CLIP1: variants seen among roughly 807,000 people sequenced by gnomAD.
CLIP1 encodes CAP-Gly domain containing linker protein 1, also known as CAP-Gly domain-containing linker protein 1.
Under a neutral mutation model 161.6 loss-of-function variants are expected in CLIP1, and 66 were observed. The ratio of observed to expected loss-of-function variants is 0.41; its 90% CI spans 0.33 to 0.50. The LOEUF is 0.50. CLIP1 is among the 20% of genes least tolerant of loss of function. CLIP1 has a pLI of 0.27. For missense variants in CLIP1, 1,376 were observed against 1,702.0 expected (o/e 0.81, Z 3.37); for synonymous variants, 598 against 626.2 (o/e 0.96, Z 0.67).
chr12:122,393,912 C>CA lies in CLIP1; in HGVS notation c.-106-13355dup, dbSNP rs71082981. On this transcript the variant is annotated intron_variant, in intron 1 of 25. Transcript: ENST00000620786. ...GGGTGACAGAGTGAGATTCTGTCTC[C>CA]AAAAAAAAAAAAAAAAAAGATTCTA... is the stretch of plus-strand genomic sequence containing the variant. 4.9e-4 allele frequency among the ~76,000 whole-genome samples: 31 copies of CA among 63,192 alleles called. 2 individuals are homozygous for CA. Among genetic ancestry groups the CA allele is most frequent in the East Asian group, 1.0e-3 (2 of 1,928 alleles). 41.5% of individuals were successfully genotyped at this position (63,192 alleles called of 152,430 possible). A position where few individuals can be genotyped will look rare whatever the true frequency, so the allele number is the denominator to read the frequency against.
At chr12:122,415,843 C>G (rs756890195) in intron 1 of CLIP1, among the ~76,000 whole-genome samples, 6 of 151,858 alleles carry the variant, frequency 4.0e-5, no homozygotes. Context: ...AGATTTTGAA[C>G]TATAAAACTT....
At chr12:122,410,643 G>C (rs969461784) in intron 1 of CLIP1, among the ~76,000 whole-genome samples, 1 of 151,938 alleles carries the variant, frequency 6.6e-6, no homozygotes, top group Non-Finnish European at 1.5e-5. Flanking sequence ...ATTTTTAGTA[G>C]AGACAGGGTT....
intron 1 of CLIP1, chr12:122,399,568 G>A (rs959945894): frequency 6.6e-6 from 1 of 152,076 alleles, no homozygotes; most frequent in Non-Finnish European, 1.5e-5. Flanking sequence ...AAATGAAAAT[G>A]CCACTTTATT....
At chr12:122,395,026 T>C (rs1955856641) in intron 1 of CLIP1, among the ~76,000 whole-genome samples, 1 of 152,208 alleles carries the variant, frequency 6.6e-6, no homozygotes, top group Non-Finnish European at 1.5e-5. Context: ...TCGATTGTGA[T>C]GCATCTGAAT....
At chr12:122,330,597 G>GTTTTTTT (rs71082966) in intron 15 of CLIP1, among the ~76,000 whole-genome samples, 11 of 101,380 alleles carry the variant, frequency 1.1e-4, no homozygotes, top group African/African-American at 3.1e-4. Flanking sequence ...GTATAATGCA[G>GTTTTTTT]TTTTTTTTTT....
intron 20 of CLIP1, among the ~76,000 whole-genome samples, chr12:122,302,469 G>A (rs1593017436): frequency 6.6e-6 from 1 of 152,148 alleles, no homozygotes; most frequent in East Asian, 1.9e-4. Flanking sequence ...CTATTATTTT[G>A]GACCAATTTT....
At chr12:122,324,539 C>T (rs951080154) in intron 17 of CLIP1, among the ~76,000 whole-genome samples, 3 of 152,132 alleles carry the variant, frequency 2.0e-5, no homozygotes, top group Non-Finnish European at 2.9e-5. Flanking sequence ...AGAAACTAAA[C>T]AGAGCCCATA....
chr12:122,360,748 G>A, intron 5 of CLIP1: 2 of 510,712 alleles, frequency 3.9e-6, no homozygotes, highest in South Asian at 3.1e-5. Flanking sequence ...ATCTGAAAGG[G>A]ACTATTAAAA....
At position 122,340,903 on chromosome 12, in the gene CLIP1, C is replaced by T. The variant is rs1161072107; in HGVS notation, c.2301G>A (p.Lys767=). 1 of 1,614,050 alleles carries T rather than the reference C, an allele frequency of 6.2e-7. No homozygotes were observed. The highest frequency in any genetic ancestry group is 1.3e-5 in the African/African-American group (1 of 74,920). Residue 767 remains lysine, a synonymous_variant, in exon 11 of 26, where the codon AAG becomes AAA. Coordinates refer to ENST00000620786, the MANE Select transcript of CLIP1 (RefSeq NM_001247997.2). ...KVIDNFTSQL[K]ATEEKLLDLD... is the part of the protein sequence containing the mutation. ...GATCCAAGAGCTTTTCTTCAGTAGC[C>T]TTGAGCTGTGATGTAAAATTATCAA...
chr12:122,313,895 G>A (rs952280261), intron 19 of CLIP1, among the ~76,000 whole-genome samples: 7 of 151,894 alleles, frequency 4.6e-5, no homozygotes, highest in Non-Finnish European at 8.8e-5. Context: ...AGTGGCTCCC[G>A]CCTGTAATCC....
intron 1 of CLIP1, among the ~76,000 whole-genome samples, chr12:122,390,007 G>T (rs188484545): frequency 4.0e-5 from 6 of 148,576 alleles, no homozygotes; most frequent in Non-Finnish European, 8.9e-5. Flanking sequence ...TCTCTTTCTC[G>T]CTTCTGGAAC....
chr12:122,313,938 T>C (rs1687723323), intron 19 of CLIP1, among the ~76,000 whole-genome samples: 2 of 151,184 alleles, frequency 1.3e-5, no homozygotes, highest in Non-Finnish European at 3.0e-5. Context: ...GGGCAGATCA[T>C]TTGAGGCCAG....
intron 18 of CLIP1, among the ~76,000 whole-genome samples, chr12:122,317,456 T>A (rs774792795): frequency 6.6e-6 from 1 of 152,128 alleles, no homozygotes; most frequent in South Asian, 2.1e-4. Context: ...GGCTCCATCA[T>A]TGGCCCACGG....
chr12:122,357,016 G>A (rs1202192202), intron 5 of CLIP1, among the ~76,000 whole-genome samples: 2 of 152,198 alleles, frequency 1.3e-5, no homozygotes, highest in Non-Finnish European at 2.9e-5. Flanking sequence ...CGCCTGCCTT[G>A]GCCTCCCAAA....
At chr12:122,354,657 G>T in intron 6 of CLIP1, 101 bp from the exon 7 acceptor site, 2 of 870,114 alleles carry the variant, frequency 2.3e-6, no homozygotes, top group Non-Finnish European at 3.8e-6. Flanking sequence ...GTGGGTGGGC[G>T]TTACTCTAAA....
chr12:122,353,445 A>G (rs911625449), intron 7 of CLIP1, among the ~76,000 whole-genome samples: 1 of 152,134 alleles, frequency 6.6e-6, no homozygotes, highest in African/African-American at 2.4e-5. Context: ...TCAATATGGC[A>G]AAACCCCATC....
intron 19 of CLIP1, among the ~76,000 whole-genome samples, chr12:122,313,525 G>A (rs774007313): frequency 3.2e-4 from 49 of 152,096 alleles, no homozygotes; most frequent in Non-Finnish European, 6.2e-4. Flanking sequence ...TTGGTAGTTC[G>A]AGACCAGCCT....
chr12:122,332,054 C>T (rs1951996951), intron 15 of CLIP1, among the ~76,000 whole-genome samples: 1 of 151,792 alleles, frequency 6.6e-6, no homozygotes, highest in Non-Finnish European at 1.5e-5. Flanking sequence ...GCCTGTAATC[C>T]CAGCACTTTG....
chr12:122,320,508 G>A (rs1056480667), intron 17 of CLIP1, among the ~76,000 whole-genome samples: 1 of 151,872 alleles, frequency 6.6e-6, no homozygotes, highest in Non-Finnish European at 1.5e-5. Context: ...TTGGGAGGCC[G>A]AGGCAGGCAG....
Sources: gnomAD v4.1 joint callset for allele counts (sites outside exome capture counted in the v4.1 genomes callset) on GRCh38, gnomAD v4.1.1 for gene constraint, MANE v1.5 for transcripts, NCBI Gene and HGNC (gene_info 2026-07-23, HGNC 2026-07-21) for gene names.